The following GRIK1 variants were observed in gnomAD, a reference collection of about 807,000 sequenced individuals.
GRIK1 encodes glutamate ionotropic receptor kainate type subunit 1.
Under a neutral mutation model 105.7 loss-of-function variants are expected in GRIK1, and 69 were observed. The observed-to-expected ratio is 0.65, with a 90% confidence interval of 0.54 to 0.80. GRIK1 has a LOEUF of 0.80. GRIK1 is among the 30% of genes least tolerant of loss of function. GRIK1 has a pLI of 0.00. For missense variants in GRIK1, 1,109 were observed against 1,167.3 expected, an observed-to-expected ratio of 0.95 and a Z score of 0.73; for synonymous variants, 438 against 431.3, an observed-to-expected ratio of 1.02 and a Z score of -0.19.
intron 7 of GRIK1, among the ~76,000 whole-genome samples, chr21:29,640,524 G>A (rs1363035522): frequency 1.3e-5 from 2 of 152,164 alleles, no homozygotes; most frequent in Non-Finnish European, 2.9e-5. Flanking sequence ...GATTAAAAAT[G>A]AGAGATTTGC....
At chr21:29,575,864 C>A (rs1369909718) in intron 14 of GRIK1, among the ~76,000 whole-genome samples, 1 of 151,898 alleles carries the variant, frequency 6.6e-6, no homozygotes, top group Non-Finnish European at 1.5e-5. Flanking sequence ...AACAGCTGCC[C>A]CCCAAAAGAA....
intron 1 of GRIK1, among the ~76,000 whole-genome samples, chr21:29,697,936 T>TTC (rs971885342): frequency 1.4e-5 from 2 of 140,376 alleles, no homozygotes; most frequent in African/African-American, 6.1e-5. Flanking sequence ...CTCTCTTTCT[T>TTC]TCTTTCTTTC....
At chr21:29,702,294 A>C (rs1353820373) in intron 1 of GRIK1, among the ~76,000 whole-genome samples, 1 of 152,134 alleles carries the variant, frequency 6.6e-6, no homozygotes, top group Admixed American at 6.5e-5. Context: ...TGAACTTAAA[A>C]TGGAAGTTTT....
intron 14 of GRIK1, among the ~76,000 whole-genome samples, chr21:29,572,212 G>A (rs537281006): frequency 6.6e-6 from 1 of 152,210 alleles, no homozygotes; most frequent in East Asian, 1.9e-4. Context: ...TTAAGAACCT[G>A]AGTGTACATC....
chr21:29,747,184 A>T (rs1324043713), intron 1 of GRIK1, among the ~76,000 whole-genome samples: 1 of 152,248 alleles, frequency 6.6e-6, no homozygotes, highest in East Asian at 1.9e-4. Flanking sequence ...ACTTGATTGT[A>T]ACCTGCCTGA....
At chr21:29,740,230 T>G (rs1228607211) in intron 1 of GRIK1, among the ~76,000 whole-genome samples, 1 of 151,830 alleles carries the variant, frequency 6.6e-6, no homozygotes, top group Non-Finnish European at 1.5e-5. Flanking sequence ...TTCTTTTTTT[T>G]TTTTTTGAGA....
intron 1 of GRIK1, among the ~76,000 whole-genome samples, chr21:29,753,096 G>A (rs146875005): frequency 2.6e-5 from 4 of 152,304 alleles, no homozygotes; most frequent in Non-Finnish European, 5.9e-5. Flanking sequence ...ATGCATGCAT[G>A]TGTGTGTGTT....
At chr21:29,750,716 C>T (rs896407318) in intron 1 of GRIK1, among the ~76,000 whole-genome samples, 1 of 152,030 alleles carries the variant, frequency 6.6e-6, no homozygotes, top group Non-Finnish European at 1.5e-5. Flanking sequence ...GAGTCAGGCT[C>T]TCTTATAGAT....
At position 29,561,760 on chromosome 21, in the gene GRIK1, G is replaced by C; in HGVS notation, c.2220C>G (p.Ile740Met). 1 of 1,613,502 alleles carries C rather than the reference G, an allele frequency of 6.2e-7. No individual in the cohort carries two copies. The highest frequency in any genetic ancestry group is 2.2e-5 in the East Asian group (1 of 44,880). ...TALVRNSDEG[I>M]QRVLTTDYAL... The stretch of plus-strand genomic sequence containing the variant: ...CGTAGTCTGTGGTGAGCACTCTCTG[G>C]ATCCCCTCATCACTGTTTCTTACCA... Residue 740 changes from isoleucine (I) to methionine (M), a missense_variant, in exon 15 of 18, where the codon ATC becomes ATG. Physicochemically the swap from Ile to Met is conservative, Grantham distance 10. This residue lies in a region of GRIK1 where 264 missense variants were observed against 306.9 expected (regional missense o/e 0.86). Transcript: ENST00000327783.
intron 7 of GRIK1, among the ~76,000 whole-genome samples, chr21:29,619,803 G>C (rs1195175951): frequency 2.6e-5 from 4 of 152,128 alleles, no homozygotes; most frequent in Non-Finnish European, 5.9e-5. Context: ...ATGGATTTTG[G>C]TTTCCCACAG....
At chr21:29,622,097 C>A (rs1197805633) in intron 7 of GRIK1, among the ~76,000 whole-genome samples, 1 of 151,966 alleles carries the variant, frequency 6.6e-6, no homozygotes, top group Non-Finnish European at 1.5e-5. Context: ...CAGGTGCATG[C>A]CACCACACCT....
chr21:29,830,890 T>G (rs2067614532), intron 1 of GRIK1, among the ~76,000 whole-genome samples: 2 of 152,014 alleles, frequency 1.3e-5, no homozygotes, highest in Admixed American at 1.3e-4. Context: ...AGTGCAACAA[T>G]GACAAAAATA....
At chr21:29,677,587 A>C (rs1028077789) in intron 3 of GRIK1, among the ~76,000 whole-genome samples, 1 of 152,208 alleles carries the variant, frequency 6.6e-6, no homozygotes, top group Admixed American at 6.5e-5. Flanking sequence ...GAGGAGGAAA[A>C]AAAAAAAACC....
rs569156621 is a variant in GRIK1 at position 29,856,950 on chromosome 21, G to A, written c.118+82433C>T. On this transcript the variant is annotated intron_variant, in intron 1 of 17. Coordinates refer to ENST00000327783, the MANE Select transcript of GRIK1 (RefSeq NM_001330994.2). ...AACTGCCAGGAGCTCTGCATTGATG[G>A]GATGAGGACTAAGAGGGAGATTATT... Among the ~76,000 whole-genome samples the A allele has an allele frequency of 2.0e-5, 3 of 152,232 alleles. No individual in the cohort carries two copies. In the South Asian group the frequency reaches 6.2e-4, roughly 32 times the overall value.
intron 3 of GRIK1, among the ~76,000 whole-genome samples, chr21:29,688,098 T>C (rs1354474333): frequency 2.0e-5 from 3 of 152,236 alleles, no homozygotes; most frequent in East Asian, 1.9e-4. Context: ...TTTGATTAGA[T>C]AATGATTTAT....
intron 1 of GRIK1, among the ~76,000 whole-genome samples, chr21:29,837,250 T>A (rs900778364): frequency 2.0e-5 from 3 of 152,314 alleles, no homozygotes; most frequent in African/African-American, 7.2e-5. Flanking sequence ...TCTGCAATGA[T>A]CTTGTGTTTC....
chr21:29,659,786 C>A (rs940076547), intron 4 of GRIK1, among the ~76,000 whole-genome samples: 7 of 152,172 alleles, frequency 4.6e-5, no homozygotes, highest in African/African-American at 1.7e-4. Flanking sequence ...CAAGGAGAAA[C>A]CCCGTCTCTA....
chr21:29,743,227 T>G (rs1240461048), intron 1 of GRIK1, among the ~76,000 whole-genome samples: 1 of 152,088 alleles, frequency 6.6e-6, no homozygotes, highest in Non-Finnish European at 1.5e-5. Context: ...GAAGGGCATA[T>G]GGGTGTTTAT....
chr21:29,761,470 G>A lies in GRIK1; in HGVS notation c.119-67407C>T, dbSNP rs1157249678. ...GCTTAAGTAGAAATCTAATTAATAT[G>A]TTGAAGAAAAGATCGAATATTACTG... On this transcript the variant is annotated intron_variant, in intron 1 of 17. Coordinates refer to ENST00000327783, the MANE Select transcript of GRIK1 (RefSeq NM_001330994.2). 3 of 152,042 alleles carry A rather than the reference G, an allele frequency of 2.0e-5. No individual in the cohort carries two copies. The East Asian group carries it at 5.8e-4, about 29-fold the overall frequency. 9.4% of individuals were successfully genotyped at this position (152,042 alleles called of 1,614,324 possible).
Sources: gnomAD v4.1 joint callset for allele counts (sites outside exome capture counted in the v4.1 genomes callset) on GRCh38, gnomAD v4.1.1 for gene constraint, gnomAD v4.1.1 regional missense constraint, MANE v1.5 for transcripts, NCBI Gene and HGNC (gene_info 2026-07-23, HGNC 2026-07-21) for gene names.